The following ATP6V0A2 variants were observed in gnomAD, a reference collection of about 807,000 sequenced individuals.
The protein encoded by ATP6V0A2 is ATPase H+ transporting V0 subunit a2, also known as V-type proton ATPase 116 kDa subunit a 2.
A neutral mutation model predicts 104.4 loss-of-function variants in ATP6V0A2; 58 were observed. The ratio of observed to expected loss-of-function variants is 0.56; its 90% CI spans 0.45 to 0.69. The LOEUF (loss-of-function observed/expected upper bound fraction) is 0.69, where lower values mean the gene tolerates loss of function less well. Ranked by LOEUF, ATP6V0A2 falls within the 30% of genes least tolerant of loss-of-function variation. The pLI is 0.00. For synonymous variants in ATP6V0A2, 376 were observed against 397.9 expected, an observed-to-expected ratio of 0.95 and a Z score of 0.65; for missense variants, 938 against 1,062.9, an observed-to-expected ratio of 0.88 and a Z score of 1.63.
intron 19 of ATP6V0A2, 49 bp downstream of exon 19, chr12:123,757,035 C>T: frequency 6.3e-7 from 1 of 1,593,202 alleles, no homozygotes; most frequent in Non-Finnish European, 8.6e-7. Flanking sequence ...AACATACCCG[C>T]CCCCCCACTG....
chr12:123,754,738 GA>G, intron 18 of ATP6V0A2: 1 of 590,960 alleles, frequency 1.7e-6, no homozygotes, highest in Non-Finnish European at 3.0e-6. Context: ...AAAAATCACA[GA>G]GGGAGTCTCT....
chr12:123,737,740 C>T (rs567164789), intron 9 of ATP6V0A2: 5 of 184,920 alleles, frequency 2.7e-5, no homozygotes, highest in Non-Finnish European at 5.8e-5. Context: ...ACTTCCTCCA[C>T]TCAAAGATAA....
At chr12:123,751,862 C>CTTTTTT (rs34862238) in intron 16 of ATP6V0A2, among the ~76,000 whole-genome samples, 29 of 123,452 alleles carry the variant, frequency 2.3e-4, no homozygotes, top group Non-Finnish European at 3.6e-4. Context: ...TTCTTTCTTT[C>CTTTTTT]TTTTTTTTTT....
chr12:123,729,780 C>T (rs533636324), intron 6 of ATP6V0A2, among the ~76,000 whole-genome samples: 1 of 151,976 alleles, frequency 6.6e-6, no homozygotes, highest in Non-Finnish European at 1.5e-5. Flanking sequence ...GTAGTTTTGA[C>T]GCATAAAGAG....
chr12:123,743,679 C>A lies in ATP6V0A2; in HGVS notation c.1039-106C>A, dbSNP rs1168697827. 12 of 1,320,742 alleles carry A rather than the reference C, an allele frequency of 9.1e-6. No individual in the cohort carries two copies. In the East Asian group the frequency reaches 2.1e-4, roughly 23 times the overall value. 81.8% of individuals were successfully genotyped at this position (1,320,742 alleles called of 1,614,324 possible). A position where few individuals can be genotyped will look rare whatever the true frequency, so the allele number is the denominator to read the frequency against. ...AAAAAAAAACAAAACAAAACAACAC[C>A]ACCAAAAAAAACCAAAAAACAAAGC... On this transcript the variant is annotated intron_variant, in intron 9 of 19. Transcript: ENST00000330342.
Position 123,727,800 on chromosome 12 carries a change from T to C in ATP6V0A2, c.539T>C (p.Ile180Thr), listed in dbSNP as rs754727464. The change falls in exon 6 of 20, where the codon ATT (isoleucine) becomes ACT (threonine). Residue 180 changes from isoleucine (I) to threonine (T), a missense_variant. By Grantham distance (89) the Ile-to-Thr change is moderately conservative. Transcript: ENST00000330342. ...TCTCACAGATTTGTGTCTGGCCTAA[T>C]TAACCAAGGAAAAGTGGAAGCATTT... Reference protein sequence around the residue: ...GAKLGFVSGLINQGKVEAFEK... With the variant: ...GAKLGFVSGLTNQGKVEAFEK... 2.1e-4 allele frequency: 338 copies of C among 1,614,024 alleles called. 1 individual carries two copies. Among genetic ancestry groups the C allele is most frequent in the Non-Finnish European group, 2.8e-4 (327 of 1,180,042 alleles).
intron 4 of ATP6V0A2, among the ~76,000 whole-genome samples, chr12:123,725,443 T>C (rs1388662992): frequency 1.3e-5 from 2 of 152,186 alleles, no homozygotes; most frequent in Non-Finnish European, 2.9e-5. Context: ...ATTTACTTTT[T>C]CCAAATTGCT....
At chr12:123,756,202 T>C (rs568532174) in intron 18 of ATP6V0A2, 1 of 151,810 alleles carries the variant, frequency 6.6e-6, no homozygotes, top group Non-Finnish European at 1.5e-5. Flanking sequence ...AAACCATTTT[T>C]CCCATGGATT....
At chr12:123,755,714 A>C in intron 18 of ATP6V0A2, among the ~76,000 whole-genome samples, 1 of 151,602 alleles carries the variant, frequency 6.6e-6, no homozygotes. Context: ...AGACTTTAAT[A>C]CTCAGTGCTT....
At chr12:123,730,893 G>C (rs1956496032) in intron 6 of ATP6V0A2, 1 of 152,180 alleles carries the variant, frequency 6.6e-6, no homozygotes, top group African/African-American at 2.4e-5. Flanking sequence ...TTTTAATGGA[G>C]ACGGGATTTT....
rs936214622 is a variant in ATP6V0A2 at position 123,724,786 on chromosome 12, G to A, written c.427G>A (p.Val143Ile). The change falls in exon 4 of 20, where the codon GTT (valine) becomes ATT (isoleucine). Residue 143 changes from valine to isoleucine, a missense_variant. Val to Ile is a conservative substitution (Grantham distance 29). Coordinates refer to ENST00000330342, the MANE Select transcript of ATP6V0A2 (RefSeq NM_012463.4). ...RVTKTFVKRN[V>I]EFEPTYEEFP... ...GACAAAGACCTTTGTGAAACGCAAT[G>A]TTGAGGTACTGAACAGCTCGTGAGG... The A allele has an allele frequency of 1.4e-5, 22 of 1,613,272 alleles. No homozygotes were observed. Among genetic ancestry groups the A allele is most frequent in the East Asian group, 2.2e-5 (1 of 44,854 alleles).
At position 123,737,388 on chromosome 12, in the gene ATP6V0A2, C is replaced by T. The variant is rs756092807; in HGVS notation, c.1038+117C>T. 24 of 984,054 alleles carry T rather than the reference C, an allele frequency of 2.4e-5. No individual in the cohort carries two copies. The African/African-American group carries it at 3.2e-4, about 13-fold the overall frequency. The allele number at this position is 984,054 out of a possible 1,614,324, so 61.0% of individuals were successfully genotyped here. Reference sequence around the variant, plus strand: ...GAGTAATGAGAATGCAGTGTGTTGACTCTTCTTTTGTTTTTTTAAAATATT... The same window carrying T: ...GAGTAATGAGAATGCAGTGTGTTGATTCTTCTTTTGTTTTTTTAAAATATT... On this transcript the variant is annotated intron_variant, in intron 9 of 19. Transcript: ENST00000330342.
At chr12:123,748,929 C>A (rs895251268) in intron 15 of ATP6V0A2, 144 bp downstream of exon 15, 1 of 848,648 alleles carries the variant, frequency 1.2e-6, no homozygotes, top group Non-Finnish European at 2.0e-6. Context: ...TGGAGGATGC[C>A]AGTCCAGCTT....
Position 123,748,651 on chromosome 12 carries a change from C to G in ATP6V0A2, c.1801C>G (p.Leu601Val), listed in dbSNP as rs748838327. Residue 601 changes from leucine (L) to valine (V), a missense_variant, in exon 15 of 20, where the codon CTT (leucine) becomes GTT (valine). Physicochemically the swap from Leu to Val is conservative, Grantham distance 32. Coordinates refer to ENST00000330342, the MANE Select transcript of ATP6V0A2 (RefSeq NM_012463.4). ...LLFMLCIFGY[L>V]IFMIFYKWLV... ...CTTCATGCTCTGTATCTTTGGATAC[C>G]TTATATTTATGATTTTCTACAAGTG... The G allele has an allele frequency of 6.2e-7, 1 of 1,613,852 alleles. No individual in the cohort carries two copies. Among genetic ancestry groups the G allele is most frequent in the South Asian group, 1.1e-5 (1 of 91,070 alleles).
At chr12:123,751,858 C>CTTT (rs1312141865) in intron 16 of ATP6V0A2, among the ~76,000 whole-genome samples, 2 of 107,954 alleles carry the variant, frequency 1.9e-5, no homozygotes, top group Non-Finnish European at 4.0e-5. Context: ...TTCTTTCTTT[C>CTTT]TTTCTTTTTT....
intron 13 of ATP6V0A2, 80 bp downstream of exon 13, chr12:123,745,052 C>G: frequency 7.2e-7 from 1 of 1,385,098 alleles, no homozygotes; most frequent in Non-Finnish European, 1.0e-6. Flanking sequence ...TTTCTCTAGA[C>G]TGTTGAGCAG....
intron 15 of ATP6V0A2, among the ~76,000 whole-genome samples, chr12:123,749,356 C>T (rs913626088): frequency 2.6e-5 from 4 of 152,060 alleles, no homozygotes; most frequent in African/African-American, 4.8e-5. Context: ...GCTGCCCAGT[C>T]CCCCCATTTA....
chr12:123,737,541 G>A, intron 9 of ATP6V0A2: 1 of 429,958 alleles, frequency 2.3e-6, no homozygotes, highest in Non-Finnish European at 4.3e-6. Flanking sequence ...GAGCCACTGT[G>A]CCCAGCCTTG....
chr12:123,714,000 G>T (rs982615652), intron 1 of ATP6V0A2, among the ~76,000 whole-genome samples: 5 of 152,210 alleles, frequency 3.3e-5, no homozygotes, highest in African/African-American at 9.7e-5. Context: ...AGCCACTTCT[G>T]CAGTTGTACC....
Sources: allele counts gnomAD v4.1 joint callset (sites outside exome capture counted in the v4.1 genomes callset), GRCh38; gene constraint gnomAD v4.1.1; transcripts MANE v1.5; gene names NCBI Gene and HGNC (gene_info 2026-07-23, HGNC 2026-07-21).